The following DDX42 variants were observed in gnomAD, a reference collection of about 807,000 sequenced individuals.
DDX42 encodes the protein ATP-dependent RNA helicase DDX42.
DDX42 carries 22 observed loss-of-function variants against 101.5 expected under a neutral mutation model. The observed-to-expected ratio is 0.22, with a 90% CI of 0.15 to 0.31. The LOEUF is 0.31. Ranked by LOEUF, DDX42 falls within the 10% of genes least tolerant of loss-of-function variation. The probability of loss-of-function intolerance (pLI) is 1.00; values close to 1 mark genes in which losing one functional copy is unlikely to be tolerated. For synonymous variants in DDX42, 402 were observed against 401.2 expected, an observed-to-expected ratio of 1.00 and a Z score of -0.02; for missense variants, 849 against 1,199.9, an observed-to-expected ratio of 0.71 and a Z score of 4.32.
intron 7 of DDX42, 71 bp downstream of exon 7, chr17:63,805,246 TA>T: frequency 6.6e-7 from 1 of 1,524,132 alleles, no homozygotes; most frequent in Non-Finnish European, 8.9e-7. Flanking sequence ...ATTGGTTATC[TA>T]AACTAATAAC....
At chr17:63,808,792 T>C (rs766176103) in intron 9 of DDX42, 28 bp from the exon 10 acceptor site, 1 of 1,611,650 alleles carries the variant, frequency 6.2e-7, no homozygotes, top group South Asian at 1.1e-5. Flanking sequence ...TGTCACAGTT[T>C]GTTAATATAT....
chr17:63,785,810 A>G (rs1194322724), intron 1 of DDX42, among the ~76,000 whole-genome samples: 4 of 152,168 alleles, frequency 2.6e-5, no homozygotes, highest in Non-Finnish European at 4.4e-5. Flanking sequence ...TACATGGTTC[A>G]TAGTACCTTT....
At chr17:63,780,438 A>G (rs2039474502) in intron 1 of DDX42, among the ~76,000 whole-genome samples, 1 of 152,214 alleles carries the variant, frequency 6.6e-6, no homozygotes, top group Non-Finnish European at 1.5e-5. Flanking sequence ...TAGAGTTTTC[A>G]TAAATACTGG....
intron 11 of DDX42, 105 bp downstream of exon 11, chr17:63,809,764 T>G (rs2039886842): frequency 2.3e-6 from 2 of 857,300 alleles, no homozygotes; most frequent in Non-Finnish European, 3.9e-6. Context: ...CTAAAAATAC[T>G]CCTGGATGGG....
Position 63,807,755 on chromosome 17 carries a change from T to C in DDX42, c.878T>C (p.Met293Thr), listed in dbSNP as rs2039860402. 2 of 1,613,940 alleles carry C rather than the reference T, an allele frequency of 1.2e-6. No homozygotes were observed. The highest frequency in any genetic ancestry group is 4.5e-5 in the East Asian group (2 of 44,848). The change falls in exon 9 of 18, where the codon ATG becomes ACG. Residue 293 changes from methionine to threonine, a missense_variant. Physicochemically the swap from Met to Thr is moderately conservative, Grantham distance 81. This residue lies in a region of DDX42 where 370 missense variants were observed against 608.8 expected (regional missense o/e 0.61). Transcript: ENST00000389924. ...CCTGTGGCATTAAGTGGTAGAGACA[T>C]GATTGGTATTGCCAAAACAGGTAGT... ...GVPVALSGRD[M>T]IGIAKTGSGK...
chr17:63,797,619 T>A (rs2039709689), intron 3 of DDX42, among the ~76,000 whole-genome samples: 1 of 152,204 alleles, frequency 6.6e-6, no homozygotes, highest in African/African-American at 2.4e-5. Context: ...TTGCCAGATG[T>A]TGCCTAGGGG....
At chr17:63,777,870 AG>A (rs2039439829) in intron 1 of DDX42, among the ~76,000 whole-genome samples, 1 of 152,172 alleles carries the variant, frequency 6.6e-6, no homozygotes, top group Non-Finnish European at 1.5e-5. Context: ...TTTGATGTGA[AG>A]GGGATCCAGT....
At chr17:63,781,611 C>T (rs902096658) in intron 1 of DDX42, among the ~76,000 whole-genome samples, 1 of 152,166 alleles carries the variant, frequency 6.6e-6, no homozygotes, top group Non-Finnish European at 1.5e-5. Flanking sequence ...CCCCTTCCTT[C>T]TTTCCCCCTC....
In DDX42 at chr17:63,790,896, G is replaced by A. The variant is rs148379792; in HGVS notation, c.222-1516G>A. 7.1e-3 allele frequency among the ~76,000 whole-genome samples: 1,081 copies of A among 152,314 alleles called. 16 individuals carry two copies. The highest frequency in any genetic ancestry group is 0.025 in the African/African-American group (1,020 of 41,572). On this transcript the variant is annotated intron_variant, in intron 2 of 17. Transcript: ENST00000389924. ...CAGTGAGCACAGAGATCACGCCGCT[G>A]CACTGCAGCCTGGGCGACAGGGCGA...
Position 63,816,937 on chromosome 17 carries a change from C to G in DDX42, c.2083C>G (p.Arg695Gly). 1 of 1,613,762 alleles carries G rather than the reference C, an allele frequency of 6.2e-7. No individual in the cohort carries two copies. The highest frequency in any genetic ancestry group is 8.5e-7 in the Non-Finnish European group (1 of 1,179,876). ...YKPSTGAMGD[R>G]LTAMKAAFQS... ...GCCTTCCACAGGAGCTATGGGAGAT[C>G]GACTAACGGCAATGAAAGCAGCTTT... The change falls in exon 17 of 18, where the codon CGA (arginine) becomes GGA (glycine). Residue 695 changes from arginine to glycine, a missense_variant. Coordinates refer to ENST00000389924, the MANE Select transcript of DDX42 (RefSeq NM_203499.3).
chr17:63,794,931 A>G (rs1389436707), intron 3 of DDX42, among the ~76,000 whole-genome samples: 1 of 131,648 alleles, frequency 7.6e-6, no homozygotes, highest in Non-Finnish European at 1.6e-5. Context: ...GTGAGACTCC[A>G]TCTTAAAAAA....
At chr17:63,794,328 G>A (rs1456365253) in intron 3 of DDX42, among the ~76,000 whole-genome samples, 6 of 152,110 alleles carry the variant, frequency 3.9e-5, no homozygotes, top group South Asian at 2.1e-4. Context: ...AGGATCCCTC[G>A]AGTCTAGGAG....
chr17:63,792,255 ATAAT>A lies in DDX42; in HGVS notation c.222-154_222-151del, dbSNP rs1185618433. Among the ~76,000 whole-genome samples the A allele has an allele frequency of 3.9e-5, 6 of 152,300 alleles. No individual in the cohort carries two copies. In the East Asian group the frequency reaches 9.6e-4, roughly 24 times the overall value. On this transcript the variant is annotated intron_variant, in intron 2 of 17. Coordinates refer to ENST00000389924, the MANE Select transcript of DDX42 (RefSeq NM_203499.3). Reference sequence around the variant, plus strand: ...TTTTGCATGTATTAAGTAGTACTTAATAATTAGGTCATTAGCCAAAGCCTTGGAG... The same window carrying A: ...TTTTGCATGTATTAAGTAGTACTTAATAGGTCATTAGCCAAAGCCTTGGAG...
Position 63,812,247 on chromosome 17 carries a change from C to G in DDX42, c.1675+39C>G, listed in dbSNP as rs2039919148. The G allele has an allele frequency of 3.8e-6, 6 of 1,588,796 alleles. No individual in the cohort carries two copies. The African/African-American group carries it at 8.1e-5, about 22-fold the overall frequency. On this transcript the variant is annotated intron_variant, in intron 14 of 17. Coordinates refer to ENST00000389924, the MANE Select transcript of DDX42 (RefSeq NM_203499.3). ...TTTTCAACAACATTAAGTTCCTAGG[C>G]TATAAGGGTACTCTGTCTTACTACA...
intron 17 of DDX42, chr17:63,817,254 C>G (rs1295443926): frequency 2.6e-6 from 1 of 379,920 alleles, no homozygotes; most frequent in Non-Finnish European, 4.8e-6. Flanking sequence ...GAAGTGTTGC[C>G]CACCTCCCAG....
At chr17:63,790,956 A>G (rs556846851) in intron 2 of DDX42, among the ~76,000 whole-genome samples, 1 of 152,340 alleles carries the variant, frequency 6.6e-6, no homozygotes, top group South Asian at 2.1e-4. Context: ...TATATACTAT[A>G]TAGTTTAGCC....
At chr17:63,811,832 A>G (rs1263917292) in intron 13 of DDX42, 100 bp from the exon 14 acceptor site, 1 of 1,489,916 alleles carries the variant, frequency 6.7e-7, no homozygotes, top group Non-Finnish European at 9.1e-7. Flanking sequence ...GGGATTGTTC[A>G]AGGTCTTCTC....
At chr17:63,784,865 C>G (rs1185329732) in intron 1 of DDX42, among the ~76,000 whole-genome samples, 1 of 151,916 alleles carries the variant, frequency 6.6e-6, no homozygotes, top group African/African-American at 2.4e-5. Flanking sequence ...AAGGTATGCA[C>G]AAAGATGTAG....
chr17:63,802,019 CTT>C (rs2039776798), intron 6 of DDX42, among the ~76,000 whole-genome samples: 1 of 152,210 alleles, frequency 6.6e-6, no homozygotes, highest in Non-Finnish European at 1.5e-5. Context: ...AGTCCAAACA[CTT>C]TTCATTATAC....
Sources: allele counts gnomAD v4.1 joint callset (sites outside exome capture counted in the v4.1 genomes callset), GRCh38; gene constraint gnomAD v4.1.1; regional missense constraint gnomAD v4.1.1; transcripts MANE v1.5; gene names NCBI Gene and HGNC (gene_info 2026-07-23, HGNC 2026-07-21).